Variants in PLCG2 observed in about 807,000 individuals in gnomAD.
PLCG2 encodes phospholipase C gamma 2.
Under a neutral mutation model 175.6 loss-of-function variants are expected in PLCG2, and 69 were observed. The ratio of observed to expected loss-of-function variants is 0.39; its 90% confidence interval spans 0.32 to 0.48. The LOEUF is 0.48. PLCG2 is among the 20% of genes least tolerant of loss of function. The pLI is 0.91. For synonymous variants in PLCG2, 827 were observed against 624.0 expected (o/e 1.33, Z -4.85); for missense variants, 1,798 against 1,650.9 (o/e 1.09, Z -1.54).
intron 1 of PLCG2, among the ~76,000 whole-genome samples, chr16:81,744,906 A>T (rs907469147): frequency 2.6e-5 from 4 of 152,148 alleles, no homozygotes; most frequent in African/African-American, 9.7e-5. Context: ...GAGGTGAAAA[A>T]GGGGGCCAAC....
At chr16:81,774,838 G>A (rs1649642272), upstream of PLCG2, among the ~76,000 whole-genome samples, 1 of 151,600 alleles carries the variant, frequency 6.6e-6, no homozygotes, top group Non-Finnish European at 1.5e-5. Flanking sequence ...TCTGCCTCCT[G>A]GGCTTAAGTG....
rs555264841 is a variant in PLCG2, at chr16:81,793,883, G to C, written c.193+7701G>C. Among the ~76,000 whole-genome samples the C allele has an allele frequency of 3.9e-5, 6 of 152,304 alleles. No homozygotes were observed. In the South Asian group the frequency reaches 1.2e-3, roughly 32 times the overall value. ...TAAGGAAAGGGCAGAGCTACAATTT[G>C]AACTTGTTCTTCCCAGTTTCAGTCT... On this transcript the variant is annotated intron_variant, in intron 2 of 32. Transcript: ENST00000564138.
intron 2 of PLCG2, among the ~76,000 whole-genome samples, chr16:81,768,503 AT>A (rs1045880842): frequency 1.4e-5 from 2 of 144,708 alleles, no homozygotes; most frequent in Non-Finnish European, 3.0e-5. Flanking sequence ...ACTGTTTTGC[AT>A]TTCCACCAGT....
intron 2 of PLCG2, among the ~76,000 whole-genome samples, chr16:81,819,661 T>G (rs1021353548): frequency 6.6e-6 from 1 of 152,222 alleles, no homozygotes; most frequent in Non-Finnish European, 1.5e-5. Context: ...CTCGGCTCAC[T>G]GCAACCTCCG....
intron 7 of PLCG2, among the ~76,000 whole-genome samples, chr16:81,877,413 C>A (rs566779327): frequency 6.6e-6 from 1 of 152,184 alleles, no homozygotes; most frequent in Non-Finnish European, 1.5e-5. Flanking sequence ...CGAGATTGCG[C>A]CACTGCACTC....
chr16:81,762,278 G>T (rs1910058102), intron 2 of PLCG2, among the ~76,000 whole-genome samples: 1 of 152,058 alleles, frequency 6.6e-6, no homozygotes, highest in South Asian at 2.1e-4. Flanking sequence ...ACTGTCAACT[G>T]TTAAAATGGT....
At chr16:81,835,789 G>T (rs1411584755) in intron 2 of PLCG2, among the ~76,000 whole-genome samples, 1 of 152,104 alleles carries the variant, frequency 6.6e-6, no homozygotes, top group Non-Finnish European at 1.5e-5. Flanking sequence ...CCCGCTGGAG[G>T]CTCTAGGGGA....
chr16:81,795,509 T>C (rs1013927272), intron 2 of PLCG2, among the ~76,000 whole-genome samples: 47 of 152,248 alleles, frequency 3.1e-4, no homozygotes, highest in African/African-American at 1.1e-3. Flanking sequence ...TCCAGTGGGA[T>C]TGGGGGTGGG....
At chr16:81,848,344 C>G (rs189805134) in intron 2 of PLCG2, among the ~76,000 whole-genome samples, 6 of 152,308 alleles carry the variant, frequency 3.9e-5, no homozygotes, top group Non-Finnish European at 7.4e-5. Context: ...GCCTGCAGCT[C>G]TTTCCTGGGG....
rs1351089376 is a variant in PLCG2 at position 81,910,655 on chromosome 16, C to T, written c.1869C>T (p.Arg623=). The T allele has an allele frequency of 4.3e-6, 7 of 1,613,740 alleles. 1 individual carries two copies. In the African/African-American group the frequency reaches 8.0e-5, roughly 18 times the overall value. Residue 623 remains arginine, a synonymous_variant, in exon 18 of 33, where the codon CGC becomes CGT. Coordinates refer to ENST00000564138, the MANE Select transcript of PLCG2 (RefSeq NM_002661.5). ...AGCACTACCGCGAGACGCACCTGCG[C>T]TGCGCCGAGTTCGAGCTGCGGCTCA... The part of the protein sequence containing the change: ...LIQHYRETHL[R]CAEFELRLTD...
At chr16:81,928,301 G>C (rs554110947) in intron 23 of PLCG2, among the ~76,000 whole-genome samples, 2 of 152,110 alleles carry the variant, frequency 1.3e-5, no homozygotes, top group African/African-American at 4.8e-5. Flanking sequence ...TATGAAACCT[G>C]TTCTAGAATT....
chr16:81,778,068 A>C (rs1567457952), upstream of PLCG2, among the ~76,000 whole-genome samples: 1 of 54,242 alleles, frequency 1.8e-5, no homozygotes, highest in African/African-American at 1.0e-4. Context: ...AAAAAACCAA[A>C]AACACACACA....
At chr16:81,903,559 G>A (rs1000199634) in intron 14 of PLCG2, among the ~76,000 whole-genome samples, 3 of 152,218 alleles carry the variant, frequency 2.0e-5, no homozygotes, top group Non-Finnish European at 4.4e-5. Context: ...GGGGTCACAA[G>A]TTAACAAAAT....
chr16:81,785,975 C>A lies in PLCG2; in HGVS notation c.-15C>A. 8 of 1,609,964 alleles carry A rather than the reference C, an allele frequency of 5.0e-6. No individual in the cohort carries two copies. The highest frequency in any genetic ancestry group is 6.8e-6 in the Non-Finnish European group (8 of 1,177,032). ...ATTTCTCCCGATTCCTTCCTTCTCC[C>A]TGGAGCGGCCGACAATGTCCACCAC... On this transcript the variant is annotated 5_prime_UTR_variant, in exon 2 of 33. The change creates a new upstream start codon in the 5' untranslated region. Transcript: ENST00000564138.
chr16:81,889,213 G>T lies in PLCG2; in HGVS notation c.807G>T (p.Met269Ile). Residue 269 changes from methionine (M) to isoleucine (I), a missense_variant, in exon 10 of 33, where the codon ATG becomes ATT. Physicochemically the swap from Met to Ile is conservative, Grantham distance 10 (BLOSUM62 1). Transcript: ENST00000564138. ...AQDLNKVRER[M>I]TKFIDDTMRE... ...ATCTGAACAAAGTCCGTGAGCGGAT[G>T]ACAAAGTTCATTGATGACACCATGC... 6.2e-7 allele frequency: 1 copy of T among 1,606,792 alleles called. No homozygotes were observed. Among genetic ancestry groups the T allele is most frequent in the South Asian group, 1.1e-5 (1 of 89,516 alleles).
At position 81,901,553 on chromosome 16, in the gene PLCG2, G is replaced by T. The variant is rs114641154; in HGVS notation, c.1362+773G>T. Among the ~76,000 whole-genome samples the T allele has an allele frequency of 5.4e-3, 822 of 152,204 alleles. 4 individuals carry two copies. Among genetic ancestry groups the T allele is most frequent in the African/African-American group, 0.019 (778 of 41,514 alleles). Reference sequence around the variant, plus strand: ...TTTCACAGACCCCCGAAGAATCCACGGTTAGAATCAGAGGGGCACGTGAAC... The same window carrying T: ...TTTCACAGACCCCCGAAGAATCCACTGTTAGAATCAGAGGGGCACGTGAAC... On this transcript the variant is annotated intron_variant, in intron 14 of 32. Transcript: ENST00000564138.
At chr16:81,918,894 G>T (rs935042491) in intron 19 of PLCG2, among the ~76,000 whole-genome samples, 7 of 103,872 alleles carry the variant, frequency 6.7e-5, no homozygotes, top group African/African-American at 2.9e-4. Flanking sequence ...TGAAAGACTT[G>T]TTTCTTTTTT....
chr16:81,749,461 T>C (rs1310636607), intron 1 of PLCG2, among the ~76,000 whole-genome samples: 2 of 152,206 alleles, frequency 1.3e-5, no homozygotes, highest in African/African-American at 4.8e-5. Flanking sequence ...CAAGCAATTC[T>C]CCTGCCTCAG....
At chr16:81,901,216 T>G (rs1268173258) in intron 14 of PLCG2, among the ~76,000 whole-genome samples, 4 of 150,634 alleles carry the variant, frequency 2.7e-5, no homozygotes, top group African/African-American at 9.7e-5. Context: ...GATTGCAGCT[T>G]CCAGTTGTGT....
Sources: gnomAD v4.1 joint callset for allele counts (sites outside exome capture counted in the v4.1 genomes callset) on GRCh38, gnomAD v4.1.1 for gene constraint, MANE v1.5 for transcripts, NCBI Gene and HGNC (gene_info 2026-07-23, HGNC 2026-07-21) for gene names.